Variants in CORIN observed in about 807,000 individuals in gnomAD.
CORIN encodes the protein corin, serine peptidase.
Under a neutral mutation model 125.3 loss-of-function variants are expected in CORIN, and 117 were observed. The ratio of observed to expected loss-of-function variants is 0.93; its 90% CI spans 0.80 to 1.09. CORIN has a LOEUF of 1.09. Ranked by LOEUF, CORIN falls within the 50% of genes least tolerant of loss-of-function variation. The probability of loss-of-function intolerance (pLI) is 0.00; values close to 1 mark genes in which losing one functional copy is unlikely to be tolerated. For synonymous variants in CORIN, 450 were observed against 466.4 expected, an observed-to-expected ratio of 0.96 and a Z score of 0.45; for missense variants, 1,253 against 1,306.7, an observed-to-expected ratio of 0.96 and a Z score of 0.63.
chr4:47,780,026 C>T (rs892868686), intron 3 of CORIN, among the ~76,000 whole-genome samples: 5 of 151,930 alleles, frequency 3.3e-5, no homozygotes, highest in Non-Finnish European at 7.4e-5. Flanking sequence ...AAGTGAATTC[C>T]CATTATTGGG....
At position 47,706,918 on chromosome 4, in the gene CORIN, CACTA is replaced by C. The variant is rs1726596453; in HGVS notation, c.800-13839_800-13836del. 3 of 1,599,904 alleles carry C rather than the reference CACTA, an allele frequency of 1.9e-6. No homozygotes were observed. The Admixed American group carries it at 5.0e-5, about 27-fold the overall frequency. ...TTGGAAAGGGCCATAAGTTCCACCA[CACTA>C]TTTGTGGTTCTCGCCGGGCAGCTTG... On this transcript the variant is annotated intron_variant, in intron 5 of 21. Coordinates refer to ENST00000273857, the MANE Select transcript of CORIN (RefSeq NM_006587.4).
chr4:47,770,119 G>A (rs939146899), intron 3 of CORIN, among the ~76,000 whole-genome samples: 1 of 151,950 alleles, frequency 6.6e-6, no homozygotes, highest in African/African-American at 2.4e-5. Flanking sequence ...CCTGATAAGG[G>A]GTTAATATCC....
chr4:47,661,806 A>C lies in CORIN; in HGVS notation c.1640T>G (p.Val547Gly). The C allele has an allele frequency of 6.2e-7, 1 of 1,613,728 alleles. No individual in the cohort carries two copies. The highest frequency in any genetic ancestry group is 8.5e-7 in the Non-Finnish European group (1 of 1,179,726). The change falls in exon 12 of 22, where the codon GTG becomes GGG. Residue 547 changes from valine (V) to glycine (G), a missense_variant. Coordinates refer to ENST00000273857, the MANE Select transcript of CORIN (RefSeq NM_006587.4). ...KERCESVLGI[V>G]GLQWPEDTDC... is the part of the protein sequence containing the mutation. The stretch of plus-strand genomic sequence containing the variant: ...TGTGTCTTCAGGCCACTGTAGGCCC[A>C]CAATCCCAAGAACAGACTCACAGCG...
At chr4:47,833,480 T>C (rs4308343) in intron 1 of CORIN, among the ~76,000 whole-genome samples, 121,841 of 147,454 alleles carry the variant, frequency 0.83, 50,484 homozygotes, top group East Asian at 0.98. Context: ...TTGACATTGA[T>C]CTCGGCGATA....
At chr4:47,605,558 A>G (rs962242625) in intron 19 of CORIN, among the ~76,000 whole-genome samples, 3 of 152,116 alleles carry the variant, frequency 2.0e-5, no homozygotes, top group Admixed American at 6.5e-5. Context: ...GCATTTCCTT[A>G]TACTCTGGTA....
chr4:47,726,522 C>T (rs1727605478), intron 5 of CORIN, among the ~76,000 whole-genome samples: 2 of 152,036 alleles, frequency 1.3e-5, no homozygotes, highest in South Asian at 4.1e-4. Context: ...AACAGATCAG[C>T]AGTTTCCAGA....
At chr4:47,690,999 G>A (rs1340416053) in intron 6 of CORIN, among the ~76,000 whole-genome samples, 1 of 152,206 alleles carries the variant, frequency 6.6e-6, no homozygotes, top group African/African-American at 2.4e-5. Flanking sequence ...ATGTTCATGG[G>A]AAAGGGCCAT....
chr4:47,834,005 T>A (rs1448155972), intron 1 of CORIN, among the ~76,000 whole-genome samples: 2 of 152,066 alleles, frequency 1.3e-5, no homozygotes, highest in East Asian at 3.9e-4. Context: ...CTCAAAAAAA[T>A]TAAAAATAGA....
intron 18 of CORIN, 65 bp downstream of exon 18, chr4:47,623,834 C>A: frequency 1.2e-6 from 2 of 1,606,984 alleles, no homozygotes; most frequent in Non-Finnish European, 1.7e-6. Flanking sequence ...AGCGATCACT[C>A]TTCCCCTGAG....
chr4:47,672,363 T>C (rs1724799913), intron 10 of CORIN, among the ~76,000 whole-genome samples: 1 of 152,182 alleles, frequency 6.6e-6, no homozygotes, highest in South Asian at 2.1e-4. Context: ...GAAAATAGGA[T>C]AACATACACC....
intron 13 of CORIN, among the ~76,000 whole-genome samples, chr4:47,650,679 T>C (rs1411380182): frequency 1.3e-5 from 2 of 152,198 alleles, no homozygotes; most frequent in East Asian, 1.9e-4. Flanking sequence ...AAATGTTACG[T>C]TGAAAATAAA....
At chr4:47,654,310 A>G (rs1258271836) in intron 12 of CORIN, among the ~76,000 whole-genome samples, 1 of 151,858 alleles carries the variant, frequency 6.6e-6, no homozygotes, top group Non-Finnish European at 1.5e-5. Flanking sequence ...TCCTTTCTGC[A>G]GGAACACCAA....
chr4:47,831,627 G>T (rs2109990941), intron 1 of CORIN: 1 of 152,316 alleles, frequency 6.6e-6, no homozygotes, highest in African/African-American at 2.4e-5. Flanking sequence ...GATTGTGCTT[G>T]CACTAAAGCA....
At chr4:47,669,891 G>A (rs1011686606) in intron 10 of CORIN, among the ~76,000 whole-genome samples, 7 of 152,142 alleles carry the variant, frequency 4.6e-5, no homozygotes, top group Non-Finnish European at 7.4e-5. Context: ...TATTACCTAA[G>A]TGTGTACCAC....
Position 47,603,600 on chromosome 4 carries a change from A to G in CORIN, c.2609T>C (p.Met870Thr), listed in dbSNP as rs772523018. The part of the protein sequence containing the change: ...INNLDHPSVF[M>T]QTRFVKTIIL... ...GATGGTCTTCACAAAGCGTGTCTGC[A>G]TGAACACTGATGGATGGTCTAGATT... The change falls in exon 20 of 22, where the codon ATG becomes ACG. Residue 870 changes from methionine to threonine, a missense_variant. Transcript: ENST00000273857. 9 of 1,614,096 alleles carry G rather than the reference A, an allele frequency of 5.6e-6. No homozygotes were observed. Among genetic ancestry groups the G allele is most frequent in the African/African-American group, 2.7e-5 (2 of 74,936 alleles).
intron 3 of CORIN, among the ~76,000 whole-genome samples, chr4:47,774,050 T>C (rs910550998): frequency 5.3e-5 from 8 of 152,192 alleles, no homozygotes; most frequent in African/African-American, 1.9e-4. Context: ...CTATTTTCTC[T>C]AGAATATTTT....
intron 16 of CORIN, among the ~76,000 whole-genome samples, chr4:47,629,955 T>C (rs982520483): frequency 2.0e-5 from 3 of 152,146 alleles, no homozygotes; most frequent in African/African-American, 7.2e-5. Flanking sequence ...ATTTAATCCC[T>C]ATGGTCTCAT....
intron 3 of CORIN, among the ~76,000 whole-genome samples, chr4:47,779,353 A>C (rs1306664602): frequency 2.0e-5 from 3 of 152,072 alleles, no homozygotes; most frequent in African/African-American, 7.2e-5. Context: ...ACTCTCCTCT[A>C]AGATAGTTGC....
intron 1 of CORIN, among the ~76,000 whole-genome samples, chr4:47,834,803 G>T (rs975074596): frequency 1.3e-5 from 2 of 152,068 alleles, no homozygotes; most frequent in African/African-American, 2.4e-5. Context: ...TTAAAAAAAG[G>T]TTAGGGAACC....
Sources: allele counts gnomAD v4.1 joint callset (sites outside exome capture counted in the v4.1 genomes callset), GRCh38; gene constraint gnomAD v4.1.1; transcripts MANE v1.5; gene names NCBI Gene and HGNC (gene_info 2026-07-23, HGNC 2026-07-21).